ACBD6: variants seen among roughly 807,000 people sequenced by gnomAD.
ACBD6 encodes the protein acyl-CoA-binding domain-containing protein 6.
In ACBD6, 28 loss-of-function variants were observed where a neutral mutation model predicts 37.2. The observed-to-expected ratio is 0.75, with a 90% CI of 0.56 to 1.03. The LOEUF (loss-of-function observed/expected upper bound fraction) is 1.03. Among genes scored for constraint, ACBD6 ranks in the 50% least tolerant of loss-of-function variants. The pLI is 0.00. For missense variants in ACBD6, 340 were observed against 337.4 expected, an observed-to-expected ratio of 1.01 and a Z score of -0.06; for synonymous variants, 113 against 126.8, an observed-to-expected ratio of 0.89 and a Z score of 0.73.
chr1:180,420,208 A>G (rs1183184616), intron 4 of ACBD6, among the ~76,000 whole-genome samples: 1 of 151,994 alleles, frequency 6.6e-6, no homozygotes, highest in African/African-American at 2.4e-5. Flanking sequence ...TTTCTTCAAG[A>G]TCTATATCTT....
chr1:180,358,255 T>C (rs10798750), intron 6 of ACBD6, among the ~76,000 whole-genome samples: 151,086 of 152,210 alleles, frequency 0.99, 74,992 homozygotes, highest in East Asian at 1. Context: ...GGTGAAACCC[T>C]GTCTCTACTA....
chr1:180,333,809 T>C (rs1651584228), intron 6 of ACBD6, among the ~76,000 whole-genome samples: 1 of 152,182 alleles, frequency 6.6e-6, no homozygotes, highest in Non-Finnish European at 1.5e-5. Context: ...ATCAGGTCAC[T>C]CCCACTCTAA....
At chr1:180,351,803 C>G (rs1322369044) in intron 6 of ACBD6, among the ~76,000 whole-genome samples, 5 of 152,140 alleles carry the variant, frequency 3.3e-5, no homozygotes, top group Non-Finnish European at 7.4e-5. Flanking sequence ...AGTAATTCCA[C>G]TTTCCAGAAT....
At chr1:180,498,725 G>A (rs1003628577) in intron 1 of ACBD6, among the ~76,000 whole-genome samples, 5 of 152,044 alleles carry the variant, frequency 3.3e-5, no homozygotes, top group African/African-American at 1.2e-4. Flanking sequence ...AGGTGCGGTG[G>A]CAGACACCTG....
At chr1:180,334,828 A>G (rs1199736072) in intron 6 of ACBD6, among the ~76,000 whole-genome samples, 1 of 152,216 alleles carries the variant, frequency 6.6e-6, no homozygotes, top group African/African-American at 2.4e-5. Context: ...GACCTGATGG[A>G]GCTGAAAACC....
rs191347756 is a variant in ACBD6 at position 180,480,029 on chromosome 1, G to A, written c.384+12240C>T. ...AAGAAAATACAAGCAGAAAATACAAGCAGTCTGATAGTACTGGAATCTAAA... is the reference window on the plus strand; with the variant it reads ...AAGAAAATACAAGCAGAAAATACAAACAGTCTGATAGTACTGGAATCTAAA... On this transcript the variant is annotated intron_variant, in intron 3 of 7. Coordinates refer to ENST00000367595, the MANE Select transcript of ACBD6 (RefSeq NM_032360.4). Among the ~76,000 whole-genome samples the A allele has an allele frequency of 2.0e-5, 3 of 152,120 alleles. No homozygotes were observed. The East Asian group carries it at 5.8e-4, about 29-fold the overall frequency.
At chr1:180,423,223 T>C (rs919672440) in intron 4 of ACBD6, among the ~76,000 whole-genome samples, 1 of 152,230 alleles carries the variant, frequency 6.6e-6, no homozygotes, top group African/African-American at 2.4e-5. Flanking sequence ...GTTTCCAATA[T>C]ATTTACTGAA....
intron 3 of ACBD6, among the ~76,000 whole-genome samples, chr1:180,490,748 T>TGGGC (rs1651462800): frequency 6.8e-6 from 1 of 147,266 alleles, no homozygotes; most frequent in African/African-American, 2.5e-5. Context: ...ATTGCGCCAC[T>TGGGC]GCACTCCAGC....
At chr1:180,335,117 A>T (rs1009895423) in intron 6 of ACBD6, among the ~76,000 whole-genome samples, 7 of 152,170 alleles carry the variant, frequency 4.6e-5, no homozygotes, top group Admixed American at 2.0e-4. Context: ...ACTTCCCCAA[A>T]CTAGCAAGGC....
intron 3 of ACBD6, among the ~76,000 whole-genome samples, chr1:180,445,677 C>A (rs542321077): frequency 6.6e-6 from 1 of 151,972 alleles, no homozygotes; most frequent in African/African-American, 2.4e-5. Flanking sequence ...TTAATTCCAG[C>A]ACTTTGAAAG....
chr1:180,351,802 A>T (rs1355638413), intron 6 of ACBD6, among the ~76,000 whole-genome samples: 1 of 152,146 alleles, frequency 6.6e-6, no homozygotes, highest in Non-Finnish European at 1.5e-5. Flanking sequence ...CAGTAATTCC[A>T]CTTTCCAGAA....
At chr1:180,456,458 T>C (rs1003229338) in intron 3 of ACBD6, among the ~76,000 whole-genome samples, 3 of 152,170 alleles carry the variant, frequency 2.0e-5, no homozygotes, top group African/African-American at 7.2e-5. Flanking sequence ...TGCTCTGGTA[T>C]TTTATTGAGG....
intron 1 of ACBD6, 131 bp downstream of exon 1, chr1:180,501,914 A>AC (rs1651995020): frequency 5.6e-6 from 5 of 897,574 alleles, no homozygotes; most frequent in African/African-American, 1.7e-5. Context: ...TCAAAAAAAA[A>AC]AAAACAAAAC....
intron 1 of ACBD6, among the ~76,000 whole-genome samples, chr1:180,498,220 T>A (rs1651809333): frequency 6.6e-6 from 1 of 152,238 alleles, no homozygotes; most frequent in South Asian, 2.1e-4. Flanking sequence ...AAGCTCATGG[T>A]GGCAGATATA....
intron 6 of ACBD6, among the ~76,000 whole-genome samples, chr1:180,379,892 T>C (rs887497930): frequency 2.6e-5 from 4 of 152,174 alleles, no homozygotes; most frequent in African/African-American, 4.8e-5. Flanking sequence ...CATCCAGATA[T>C]AGGAAGCTCA....
chr1:180,274,185 A>T (rs376766897), intron 10 of ACBD6: 16 of 1,614,100 alleles, frequency 9.9e-6, no homozygotes, highest in Non-Finnish European at 1.4e-5. Flanking sequence ...TTGTCCACAG[A>T]GGATCAAATT....
At chr1:180,492,500 C>T in intron 2 of ACBD6, 135 bp from the exon 3 acceptor site, 1 of 739,442 alleles carries the variant, frequency 1.4e-6, no homozygotes, top group Non-Finnish European at 2.3e-6. Flanking sequence ...GATAGAGAAG[C>T]TCTGTCTTTT....
intron 6 of ACBD6, among the ~76,000 whole-genome samples, chr1:180,344,349 A>T (rs1456000350): frequency 3.9e-5 from 6 of 152,152 alleles, no homozygotes; most frequent in Non-Finnish European, 7.4e-5. Context: ...AGGTTTTAGC[A>T]ATTGCAAGAG....
At chr1:180,381,485 A>T (rs1434382068) in intron 6 of ACBD6, among the ~76,000 whole-genome samples, 1 of 152,222 alleles carries the variant, frequency 6.6e-6, no homozygotes, top group African/African-American at 2.4e-5. Flanking sequence ...AAGTCTCAAC[A>T]AATTTTAAAA....
Sources: allele counts gnomAD v4.1 joint callset (sites outside exome capture counted in the v4.1 genomes callset), GRCh38; gene constraint gnomAD v4.1.1; transcripts MANE v1.5; gene names NCBI Gene and HGNC (gene_info 2026-07-23, HGNC 2026-07-21).